CACNG5: variants seen among roughly 807,000 people sequenced by gnomAD.
CACNG5 encodes voltage-dependent calcium channel gamma-5 subunit.
A neutral mutation model predicts 24.8 loss-of-function variants in CACNG5; 18 were observed. The ratio of observed to expected loss-of-function variants is 0.73; its 90% CI spans 0.50 to 1.08. CACNG5 has a LOEUF of 1.08. Among genes scored for constraint, CACNG5 ranks in the 50% least tolerant of loss-of-function variants. The pLI, the probability that CACNG5 is intolerant of heterozygous loss-of-function variation, is 0.00. For missense variants in CACNG5, 349 were observed against 367.9 expected, an observed-to-expected ratio of 0.95 and a Z score of 0.42; for synonymous variants, 157 against 149.1, an observed-to-expected ratio of 1.05 and a Z score of -0.39.
intron 1 of CACNG5, among the ~76,000 whole-genome samples, chr17:66,869,406 C>T (rs1322829199): frequency 1.3e-5 from 2 of 152,124 alleles, no homozygotes; most frequent in Admixed American, 6.6e-5. Flanking sequence ...TTTCTGATTG[C>T]AGCATTGTAC....
intron 1 of CACNG5, among the ~76,000 whole-genome samples, chr17:66,857,658 C>CTG (rs1417246685): frequency 6.6e-6 from 1 of 152,150 alleles, no homozygotes; most frequent in Non-Finnish European, 1.5e-5. Flanking sequence ...CAAGAACCAC[C>CTG]TGTGGCTGGC....
chr17:66,864,546 A>C (rs890671210), intron 1 of CACNG5, among the ~76,000 whole-genome samples: 8 of 152,216 alleles, frequency 5.3e-5, no homozygotes. Context: ...ATTTAATCCA[A>C]CTGTTTCAAT....
Position 66,894,408 on chromosome 17 carries a change from T to C in CACNG5, c.*9168T>C, listed in dbSNP as rs1651778032. Among the ~76,000 whole-genome samples the C allele has an allele frequency of 6.6e-6, 1 of 152,210 alleles. No individual in the cohort carries two copies. The highest frequency in any genetic ancestry group is 2.4e-5 in the African/African-American group (1 of 41,454). On this transcript the variant is annotated 3_prime_UTR_variant, in exon 6 of 6. Coordinates refer to ENST00000533854, the MANE Select transcript of CACNG5 (RefSeq NM_145811.3). ...CCTATTAATAATAAATTAGTACTAATATATTATTTTGGTTATTGCTACTGT... is the reference window on the plus strand; with the variant it reads ...CCTATTAATAATAAATTAGTACTAACATATTATTTTGGTTATTGCTACTGT...
At chr17:66,858,431 G>A (rs1277291692) in intron 1 of CACNG5, among the ~76,000 whole-genome samples, 3 of 152,040 alleles carry the variant, frequency 2.0e-5, no homozygotes, top group Admixed American at 6.6e-5. Context: ...TGAGTTCCCC[G>A]ATAGCCCCAG....
chr17:66,869,888 C>A (rs575259371), intron 1 of CACNG5, among the ~76,000 whole-genome samples: 2 of 152,142 alleles, frequency 1.3e-5, no homozygotes, highest in East Asian at 3.9e-4. Flanking sequence ...TTGAGACCAT[C>A]CTGGCCAACA....
chr17:66,879,704 C>T (rs75284620), intron 3 of CACNG5, among the ~76,000 whole-genome samples: 7,567 of 152,256 alleles, frequency 0.05, 633 homozygotes, highest in African/African-American at 0.17. Flanking sequence ...AGACTCTTCT[C>T]TCCATGGAAT....
intron 4 of CACNG5, among the ~76,000 whole-genome samples, chr17:66,883,371 G>A (rs1207964674): frequency 1.3e-5 from 2 of 152,134 alleles, no homozygotes; most frequent in Non-Finnish European, 1.5e-5. Context: ...GGTTCATTTA[G>A]TGCACCAATG....
At chr17:66,844,491 A>G (rs1447327830) in intron 1 of CACNG5, among the ~76,000 whole-genome samples, 1 of 152,210 alleles carries the variant, frequency 6.6e-6, no homozygotes. Flanking sequence ...GTCATACAAG[A>G]GGTCCTCGAT....
intron 2 of CACNG5, 139 bp downstream of exon 2, chr17:66,877,667 G>T: frequency 1.0e-5 from 7 of 684,388 alleles, no homozygotes; most frequent in East Asian, 5.6e-5. Context: ...GGCGGGTGGT[G>T]CTCCCTGCAG....
At chr17:66,865,660 C>T (rs1159713914) in intron 1 of CACNG5, among the ~76,000 whole-genome samples, 2 of 148,988 alleles carry the variant, frequency 1.3e-5, no homozygotes, top group Non-Finnish European at 3.0e-5. Flanking sequence ...GACAGAGTCT[C>T]GCTCTGTCAC....
chr17:66,868,397 G>T (rs1002521793), intron 1 of CACNG5, among the ~76,000 whole-genome samples: 3 of 152,182 alleles, frequency 2.0e-5, no homozygotes, highest in Admixed American at 6.5e-5. Flanking sequence ...GGGGCAGAGA[G>T]AGCCTCACAC....
intron 1 of CACNG5, among the ~76,000 whole-genome samples, chr17:66,860,036 T>C (rs960785435): frequency 3.9e-5 from 6 of 152,094 alleles, no homozygotes; most frequent in African/African-American, 9.7e-5. Context: ...TTGAGAAAAA[T>C]CAGGTCAGAG....
At chr17:66,864,597 T>G (rs1365255668) in intron 1 of CACNG5, among the ~76,000 whole-genome samples, 1 of 152,250 alleles carries the variant, frequency 6.6e-6, no homozygotes, top group East Asian at 1.9e-4. Context: ...CATAAGCTAG[T>G]TCATTATCAC....
At chr17:66,844,199 A>G (rs766368370) in intron 1 of CACNG5, among the ~76,000 whole-genome samples, 3 of 152,162 alleles carry the variant, frequency 2.0e-5, no homozygotes, top group Non-Finnish European at 2.9e-5. Context: ...TATGAGGTAC[A>G]CCTTATCATC....
chr17:66,861,947 A>G (rs1259491421), intron 1 of CACNG5, among the ~76,000 whole-genome samples: 1 of 152,238 alleles, frequency 6.6e-6, no homozygotes, highest in African/African-American at 2.4e-5. Flanking sequence ...CTTTCTGCAA[A>G]TGCTGAAAAA....
At chr17:66,841,967 T>C (rs56934595) in intron 1 of CACNG5, among the ~76,000 whole-genome samples, 21,925 of 152,202 alleles carry the variant, frequency 0.14, 2,796 homozygotes, top group African/African-American at 0.35. Flanking sequence ...ACTGAGCAGA[T>C]GGAGCTGTGG....
rs1219192312 is a variant in CACNG5, at chr17:66,876,152, T to C, written c.-103-1078T>C. Among the ~76,000 whole-genome samples the C allele has an allele frequency of 2.0e-5, 3 of 152,360 alleles. No homozygotes were observed. In the East Asian group the frequency reaches 5.8e-4, roughly 29 times the overall value. ...TGGTGATGCCTACATGGCTGGTCCA[T>C]GGACCATACTTTGAGTAGCGAAGAT... On this transcript the variant is annotated intron_variant, in intron 1 of 5. Coordinates refer to ENST00000533854, the MANE Select transcript of CACNG5 (RefSeq NM_145811.3).
chr17:66,881,616 G>T (rs1363502498), intron 4 of CACNG5, among the ~76,000 whole-genome samples: 1 of 152,198 alleles, frequency 6.6e-6, no homozygotes, highest in Non-Finnish European at 1.5e-5. Flanking sequence ...AAAAAGGGCA[G>T]TGCAATGGGA....
chr17:66,853,881 G>A (rs1976738204), intron 1 of CACNG5, among the ~76,000 whole-genome samples: 1 of 151,902 alleles, frequency 6.6e-6, no homozygotes, highest in South Asian at 2.1e-4. Context: ...AATTAGACAA[G>A]AATATCACTA....
Sources: allele counts gnomAD v4.1 joint callset (sites outside exome capture counted in the v4.1 genomes callset), GRCh38; gene constraint gnomAD v4.1.1; transcripts MANE v1.5; gene names NCBI Gene and HGNC (gene_info 2026-07-23, HGNC 2026-07-21).